ATXN10: variants seen among roughly 807,000 people sequenced by gnomAD.
The protein encoded by ATXN10 is ataxin 10.
Under a neutral mutation model 52.9 loss-of-function variants are expected in ATXN10, and 28 were observed. The ratio of observed to expected loss-of-function variants is 0.53; its 90% CI spans 0.39 to 0.73. The LOEUF is 0.73. Ranked by LOEUF, ATXN10 falls within the 30% of genes least tolerant of loss-of-function variation. The probability of loss-of-function intolerance (pLI) is 0.00; values close to 1 mark genes in which losing one functional copy is unlikely to be tolerated. For missense variants in ATXN10, 565 were observed against 577.0 expected, an observed-to-expected ratio of 0.98 and a Z score of 0.21; for synonymous variants, 226 against 221.5, an observed-to-expected ratio of 1.02 and a Z score of -0.18.
At position 45,833,278 on chromosome 22, in the gene ATXN10, G is replaced by A. The variant is rs371429538; in HGVS notation, c.1238-9713G>A. Among the ~76,000 whole-genome samples, 7 of 152,296 alleles carry A rather than the reference G, an allele frequency of 4.6e-5. No individual in the cohort carries two copies. In the South Asian group the frequency reaches 6.2e-4, roughly 14 times the overall value. On this transcript the variant is annotated intron_variant, in intron 10 of 11. Transcript: ENST00000252934. The surrounding 1 kb of genome is among the most constrained non-coding windows in gnomAD (Gnocchi z 4.3). ...CGACTTCCTGGGAGCTGCTGAAGGC[G>A]TCGGGGGAGGTGGGGTGAGGAGGCA... is the stretch of plus-strand genomic sequence containing the variant.
chr22:45,702,886 C>G, intron 5 of ATXN10, 39 bp downstream of exon 5: 1 of 1,611,790 alleles, frequency 6.2e-7, no homozygotes, highest in Non-Finnish European at 8.5e-7. Flanking sequence ...TTTGGGGCAT[C>G]CTGACAGATC....
At position 45,708,175 on chromosome 22, in the gene ATXN10, T is replaced by C. The variant is rs74490584; in HGVS notation, c.647+5328T>C. Among the ~76,000 whole-genome samples, 1,181 of 152,308 alleles carry C rather than the reference T, an allele frequency of 7.8e-3. 11 individuals carry two copies. The highest frequency in any genetic ancestry group is 0.027 in the African/African-American group (1,123 of 41,566). On this transcript the variant is annotated intron_variant, in intron 5 of 11. Transcript: ENST00000252934. This position sits in a 1 kb window ranked among gnomAD's most constrained non-coding sequence, Gnocchi z 5.3. ...GTCTTTCTAAAAATGTCTGTTCTTT[T>C]GTTTGTAGGTGTGAAAGATGTTTTC... is the stretch of plus-strand genomic sequence containing the variant.
chr22:45,728,023 A>AT lies in ATXN10; in HGVS notation c.729-1391dup, dbSNP rs542486306. ...GAAGACAGCAGGTATTTGGTTTGTG[A>AT]TTTTTTTTTTTAATCCATTCTGCCA... On this transcript the variant is annotated intron_variant, in intron 6 of 11. Coordinates refer to ENST00000252934, the MANE Select transcript of ATXN10 (RefSeq NM_013236.4). This position sits in a 1 kb window ranked among gnomAD's most constrained non-coding sequence, Gnocchi z 4.3. Among the ~76,000 whole-genome samples the AT allele has an allele frequency of 2.9e-4, 42 of 145,686 alleles. No homozygotes were observed. The highest frequency in any genetic ancestry group is 8.7e-4 in the South Asian group (4 of 4,580).
rs1048588611 is a variant in ATXN10, at chr22:45,688,516, G to C, written c.117-1196G>C. On this transcript the variant is annotated intron_variant, in intron 1 of 11. Coordinates refer to ENST00000252934, the MANE Select transcript of ATXN10 (RefSeq NM_013236.4). This position sits in a 1 kb window ranked among gnomAD's most constrained non-coding sequence, Gnocchi z 4.0. ...ATAATGTGAGTTCTATTGTCTGTTC[G>C]TAAGATAAAAACACACATCACTTGG... Among the ~76,000 whole-genome samples, 5 of 152,158 alleles carry C rather than the reference G, an allele frequency of 3.3e-5. No homozygotes were observed. Among genetic ancestry groups the C allele is most frequent in the Non-Finnish European group, 5.9e-5 (4 of 68,024 alleles).
intron 9 of ATXN10, among the ~76,000 whole-genome samples, chr22:45,741,696 A>G (rs574927809): frequency 3.9e-5 from 6 of 152,340 alleles, no homozygotes; most frequent in Non-Finnish European, 7.3e-5. Context: ...ATAGAAAAAA[A>G]AAATAAGGGA....
chr22:45,726,710 C>A (rs1924884802), intron 6 of ATXN10, among the ~76,000 whole-genome samples: 1 of 152,114 alleles, frequency 6.6e-6, no homozygotes, highest in African/African-American at 2.4e-5. Flanking sequence ...CTTCTTGAGA[C>A]AGGGTCGTGC....
At chr22:45,694,558 GA>G (rs918775565) in intron 3 of ATXN10, among the ~76,000 whole-genome samples, 9 of 152,054 alleles carry the variant, frequency 5.9e-5, no homozygotes, top group Non-Finnish European at 8.8e-5. Flanking sequence ...GAGGCGGGCG[GA>G]TCATTTGAGG....
At chr22:45,748,360 A>G (rs777041642) in intron 9 of ATXN10, among the ~76,000 whole-genome samples, 2 of 152,218 alleles carry the variant, frequency 1.3e-5, no homozygotes, top group Non-Finnish European at 2.9e-5. Flanking sequence ...AGGATTTGCA[A>G]AGTTCAAAGT....
At chr22:45,736,614 G>A (rs1322240590) in intron 7 of ATXN10, among the ~76,000 whole-genome samples, 1 of 151,888 alleles carries the variant, frequency 6.6e-6, no homozygotes, top group Non-Finnish European at 1.5e-5. Flanking sequence ...TGTTTTTCCT[G>A]TAGACTTTTC....
intron 9 of ATXN10, among the ~76,000 whole-genome samples, chr22:45,798,029 A>G (rs1456360553): frequency 6.6e-6 from 1 of 152,250 alleles, no homozygotes; most frequent in Non-Finnish European, 1.5e-5. Flanking sequence ...TTAAATGTGT[A>G]GTTTAAAATG....
intron 3 of ATXN10, among the ~76,000 whole-genome samples, chr22:45,695,526 G>T (rs1305377351): frequency 1.4e-5 from 2 of 139,402 alleles, no homozygotes; most frequent in African/African-American, 5.3e-5. Context: ...GTCTTACTCT[G>T]TCGCCCAGGC....
chr22:45,815,952 A>G (rs1329781426), intron 10 of ATXN10, among the ~76,000 whole-genome samples: 4 of 152,186 alleles, frequency 2.6e-5, no homozygotes, highest in African/African-American at 9.7e-5. Context: ...TAACCACTCA[A>G]TAAAATTCAC....
chr22:45,836,479 G>A (rs1929171363), intron 10 of ATXN10, among the ~76,000 whole-genome samples: 1 of 152,124 alleles, frequency 6.6e-6, no homozygotes, highest in African/African-American at 2.4e-5. Flanking sequence ...TTTGGAGGTG[G>A]TCCCAACAGG....
intron 10 of ATXN10, among the ~76,000 whole-genome samples, chr22:45,830,901 G>A (rs1193560197): frequency 5.9e-5 from 9 of 152,316 alleles, no homozygotes. Flanking sequence ...TCTCAAAGAA[G>A]TATTTGTACA....
Position 45,844,107 on chromosome 22 carries a change from C to G in ATXN10, c.*436C>G, listed in dbSNP as rs1486334257. ...GGCAGGCGGTTGAAGTAGTTTCTCACTGTGATTAATTCTAGCAATCTCTTT... is the reference window on the plus strand; with the variant it reads ...GGCAGGCGGTTGAAGTAGTTTCTCAGTGTGATTAATTCTAGCAATCTCTTT... On this transcript the variant is annotated 3_prime_UTR_variant, in exon 12 of 12. Transcript: ENST00000252934. 1 of 186,848 alleles carries G rather than the reference C, an allele frequency of 5.4e-6. No individual in the cohort carries two copies. The highest frequency in any genetic ancestry group is 2.4e-5 in the African/African-American group (1 of 42,020). The allele number at this position is 186,848 out of a possible 1,614,324, so 11.6% of individuals were successfully genotyped here.
Position 45,718,019 on chromosome 22 carries a change from T to C in ATXN10, c.648-394T>C, listed in dbSNP as rs1924511046. On this transcript the variant is annotated intron_variant, in intron 5 of 11. Transcript: ENST00000252934. This position sits in a 1 kb window ranked among gnomAD's most constrained non-coding sequence, Gnocchi z 4.4. ...AAGCCAGTAATGGAAGTGTGACAAG[T>C]CTTTCTCTGGTTCATTATAGCAGTT... Among the ~76,000 whole-genome samples, 1 of 152,202 alleles carries C rather than the reference T, an allele frequency of 6.6e-6. No individual in the cohort carries two copies. Among genetic ancestry groups the C allele is most frequent in the Admixed American group, 6.5e-5 (1 of 15,274 alleles).
chr22:45,684,652 C>T lies in ATXN10; in HGVS notation c.117-5060C>T, dbSNP rs541236897. On this transcript the variant is annotated intron_variant, in intron 1 of 11. Transcript: ENST00000252934. This position sits in a 1 kb window ranked among gnomAD's most constrained non-coding sequence, Gnocchi z 4.1. ...AGTGTGACAGAGGCTGTTTGGCCAT[C>T]AGAGCTGGAAATATTCACTCTCTGA... 4.6e-5 allele frequency among the ~76,000 whole-genome samples: 7 copies of T among 152,248 alleles called. No individual in the cohort carries two copies. The East Asian group carries it at 1.4e-3, about 29-fold the overall frequency.
In ATXN10 at chr22:45,754,882, A is replaced by C. The variant is rs1926118960; in HGVS notation, c.1173+14344A>C. ...AAAATGTCTTGGCCCTCCTTGCAAC[A>C]GGCTCTTGGGCAGGCAGCCACCATG... On this transcript the variant is annotated intron_variant, in intron 9 of 11. Transcript: ENST00000252934. The surrounding 1 kb of genome is among the most constrained non-coding windows in gnomAD (Gnocchi z 5.4). Among the ~76,000 whole-genome samples, 1 of 152,222 alleles carries C rather than the reference A, an allele frequency of 6.6e-6. No individual in the cohort carries two copies. The highest frequency in any genetic ancestry group is 6.5e-5 in the Admixed American group (1 of 15,282).
In ATXN10 at chr22:45,809,128, TTTTAGATC is replaced by T. The variant is rs541412845; in HGVS notation, c.1237+2108_1237+2115del. Reference sequence around the variant, plus strand: ...AAGCCTTACAGCCTAGAGATTCAGTTTTTAGATCTGAGCTATAAATTAAAATCTGGCCT... The same window carrying T: ...AAGCCTTACAGCCTAGAGATTCAGTTTGAGCTATAAATTAAAATCTGGCCT... On this transcript the variant is annotated intron_variant, in intron 10 of 11. Coordinates refer to ENST00000252934, the MANE Select transcript of ATXN10 (RefSeq NM_013236.4). Among the ~76,000 whole-genome samples the T allele has an allele frequency of 3.0e-3, 456 of 152,304 alleles. 1 individual carries two copies. The highest frequency in any genetic ancestry group is 0.01 in the Middle Eastern group (3 of 294).
Sources: allele counts gnomAD v4.1 joint callset (sites outside exome capture counted in the v4.1 genomes callset), GRCh38; gene constraint gnomAD v4.1.1; non-coding constraint Gnocchi (gnomAD v3.1); transcripts MANE v1.5; gene names NCBI Gene and HGNC (gene_info 2026-07-23, HGNC 2026-07-21).